Variants in GPC5 observed in about 807,000 individuals in gnomAD.
GPC5 encodes glypican-5.
Under a neutral mutation model 53.9 loss-of-function variants are expected in GPC5, and 47 were observed. The ratio of observed to expected loss-of-function variants is 0.87; its 90% CI spans 0.69 to 1.11. GPC5 has a LOEUF of 1.11. Ranked by LOEUF, GPC5 falls within the 50% of genes most tolerant of loss-of-function variation. The pLI, the probability that GPC5 is intolerant of heterozygous loss-of-function variation, is 0.00. For missense variants in GPC5, 748 were observed against 713.1 expected, an observed-to-expected ratio of 1.05 and a Z score of -0.56; for synonymous variants, 286 against 263.3, an observed-to-expected ratio of 1.09 and a Z score of -0.84.
At chr13:92,382,335 A>T (rs2043755686) in intron 7 of GPC5, among the ~76,000 whole-genome samples, 1 of 152,154 alleles carries the variant, frequency 6.6e-6, no homozygotes, top group African/African-American at 2.4e-5. Flanking sequence ...CTGTAACCAA[A>T]TACCACCTGT....
intron 7 of GPC5, among the ~76,000 whole-genome samples, chr13:92,516,705 A>T (rs1377400866): frequency 6.6e-6 from 1 of 152,088 alleles, no homozygotes; most frequent in Non-Finnish European, 1.5e-5. Context: ...TCCATTTCTG[A>T]CTTCTGTGAT....
intron 7 of GPC5, among the ~76,000 whole-genome samples, chr13:92,518,540 G>A (rs964579787): frequency 3.3e-5 from 5 of 152,122 alleles, no homozygotes; most frequent in Non-Finnish European, 5.9e-5. Context: ...CTTCATAAGT[G>A]AAGGAGAAAT....
intron 2 of GPC5, among the ~76,000 whole-genome samples, chr13:91,499,769 C>T (rs956722873): frequency 6.6e-6 from 1 of 152,212 alleles, no homozygotes; most frequent in African/African-American, 2.4e-5. Context: ...CAAACAGCCT[C>T]ATCTCAACTC....
In GPC5 at chr13:91,571,904, T is replaced by TACGTGTGTG. The variant is rs1485058372; in HGVS notation, c.326-121283_326-121282insACGTGTGTG. Among the ~76,000 whole-genome samples, 341 of 62,718 alleles carry TACGTGTGTG rather than the reference T, an allele frequency of 5.4e-3. 38 individuals are homozygous for TACGTGTGTG. Among genetic ancestry groups the TACGTGTGTG allele is most frequent in the Admixed American group, 7.4e-3 (46 of 6,258 alleles). 41.1% of individuals were successfully genotyped at this position (62,718 alleles called of 152,430 possible). The stretch of plus-strand genomic sequence containing the variant: ...ACATATACGTGTGTATATACACATA[T>TACGTGTGTG]TGTATATATACACATATTGTATATA... On this transcript the variant is annotated intron_variant, in intron 2 of 7. Coordinates refer to ENST00000377067, the MANE Select transcript of GPC5 (RefSeq NM_004466.6).
At chr13:92,331,909 A>C (rs545620019) in intron 7 of GPC5, among the ~76,000 whole-genome samples, 2 of 152,128 alleles carry the variant, frequency 1.3e-5, no homozygotes, top group East Asian at 3.9e-4. Context: ...TTCAATAACA[A>C]AAAAAATAAG....
intron 3 of GPC5, among the ~76,000 whole-genome samples, chr13:91,718,574 C>T (rs906664001): frequency 3.2e-4 from 48 of 152,192 alleles, no homozygotes; most frequent in Non-Finnish European, 1.5e-4. Context: ...TAAAATATCA[C>T]AAAGCTCAAT....
chr13:91,569,991 A>G (rs940010478), intron 2 of GPC5, among the ~76,000 whole-genome samples: 2 of 152,232 alleles, frequency 1.3e-5, no homozygotes, highest in Non-Finnish European at 2.9e-5. Context: ...TAATAATGAA[A>G]GAATAAGATA....
intron 2 of GPC5, among the ~76,000 whole-genome samples, chr13:91,572,248 T>TACACAC (rs1385464237): frequency 2.7e-5 from 3 of 111,082 alleles, no homozygotes; most frequent in African/African-American, 1.4e-4. Context: ...CATGTGTATA[T>TACACAC]ATATACACAT....
intron 5 of GPC5, among the ~76,000 whole-genome samples, chr13:91,794,037 T>C (rs2138755708): frequency 1.3e-5 from 2 of 152,316 alleles, no homozygotes; most frequent in Non-Finnish European, 2.9e-5. Flanking sequence ...TGAGTTGGAA[T>C]GTAGTATCTA....
chr13:91,969,071 C>T (rs764210383), intron 6 of GPC5, among the ~76,000 whole-genome samples: 10 of 151,438 alleles, frequency 6.6e-5, no homozygotes, highest in Non-Finnish European at 1.3e-4. Context: ...CAGGTTCAAG[C>T]GATTCTCCTG....
intron 2 of GPC5, among the ~76,000 whole-genome samples, chr13:91,631,177 G>A (rs1348285918): frequency 1.3e-5 from 2 of 152,160 alleles, no homozygotes; most frequent in South Asian, 4.1e-4. Flanking sequence ...TAAGGCCTTA[G>A]GTATTGGCAA....
intron 5 of GPC5, among the ~76,000 whole-genome samples, chr13:91,785,836 A>G (rs2037868806): frequency 1.3e-5 from 2 of 152,154 alleles, no homozygotes; most frequent in Admixed American, 1.3e-4. Flanking sequence ...GTGATACACT[A>G]TCATCTCCCT....
chr13:92,383,450 G>T (rs1049101644), intron 7 of GPC5, among the ~76,000 whole-genome samples: 1 of 152,130 alleles, frequency 6.6e-6, no homozygotes, highest in Non-Finnish European at 1.5e-5. Flanking sequence ...ATAAACAAAG[G>T]AAATAGTGAT....
At chr13:92,625,569 T>G (rs533951232) in intron 7 of GPC5, among the ~76,000 whole-genome samples, 1 of 152,190 alleles carries the variant, frequency 6.6e-6, no homozygotes, top group Non-Finnish European at 1.5e-5. Flanking sequence ...AAATTTGTCC[T>G]GGTGCAATTT....
intron 7 of GPC5, among the ~76,000 whole-genome samples, chr13:92,456,884 G>A (rs1012444205): frequency 2.6e-5 from 4 of 152,106 alleles, no homozygotes; most frequent in Non-Finnish European, 5.9e-5. Flanking sequence ...AAGTGTACAT[G>A]TGCATGTTTG....
chr13:92,780,813 A>G (rs1875996589), intron 7 of GPC5, among the ~76,000 whole-genome samples: 1 of 152,124 alleles, frequency 6.6e-6, no homozygotes, highest in South Asian at 2.1e-4. Context: ...CAAGGTAAAA[A>G]TGAAGTCATT....
At chr13:92,838,640 C>A (rs985276906) in intron 7 of GPC5, among the ~76,000 whole-genome samples, 1 of 151,700 alleles carries the variant, frequency 6.6e-6, no homozygotes, top group Non-Finnish European at 1.5e-5. Flanking sequence ...CTAAATGGAC[C>A]CACAGATGAT....
intron 7 of GPC5, among the ~76,000 whole-genome samples, chr13:92,600,717 G>A (rs368442022): frequency 2.0e-5 from 3 of 148,920 alleles, no homozygotes; most frequent in East Asian, 4.0e-4. Flanking sequence ...CTGTTAGCCA[G>A]GCGAGTCTCA....
Position 91,586,901 on chromosome 13 carries a change from C to A in GPC5, c.326-106286C>A, listed in dbSNP as rs146688901. 2.6e-5 allele frequency among the ~76,000 whole-genome samples: 4 copies of A among 151,910 alleles called. No homozygotes were observed. In the East Asian group the frequency reaches 7.8e-4, roughly 30 times the overall value. On this transcript the variant is annotated intron_variant, in intron 2 of 7. Coordinates refer to ENST00000377067, the MANE Select transcript of GPC5 (RefSeq NM_004466.6). The stretch of plus-strand genomic sequence containing the variant: ...AACCTTACGATTAAAAATGTAAATA[C>A]ATTTAGACATATGTTTATAATAAAT...
Sources: allele counts gnomAD v4.1 joint callset (sites outside exome capture counted in the v4.1 genomes callset), GRCh38; gene constraint gnomAD v4.1.1; transcripts MANE v1.5; gene names NCBI Gene and HGNC (gene_info 2026-07-23, HGNC 2026-07-21).